Variants in CDYL observed in about 807,000 individuals in gnomAD.
CDYL encodes chromodomain Y like, also known as chromodomain Y-like protein.
A neutral mutation model predicts 47.3 loss-of-function variants in CDYL; 8 were observed. The ratio of observed to expected loss-of-function variants is 0.17; its 90% CI spans 0.10 to 0.31. The LOEUF (loss-of-function observed/expected upper bound fraction) is 0.31. Among genes scored for constraint, CDYL ranks in the 10% least tolerant of loss-of-function variants. CDYL has a pLI of 1.00. For synonymous variants in CDYL, 266 were observed against 265.0 expected (o/e 1.00, Z -0.04); for missense variants, 471 against 701.4 (o/e 0.67, Z 3.71).
intron 6 of CDYL, among the ~76,000 whole-genome samples, chr6:4,953,454 A>T (rs982969631): frequency 6.6e-6 from 1 of 151,944 alleles, no homozygotes; most frequent in African/African-American, 2.4e-5. Flanking sequence ...AAATTATAGG[A>T]TGTGAAATGT....
chr6:4,918,630 CTG>C (rs1431112473), intron 2 of CDYL, among the ~76,000 whole-genome samples: 1 of 152,190 alleles, frequency 6.6e-6, no homozygotes, highest in Non-Finnish European at 1.5e-5. Context: ...GAATTTGCGT[CTG>C]TAATTAAAGA....
At chr6:4,765,760 T>C (rs538875703) in intron 3 of CDYL, among the ~76,000 whole-genome samples, 2 of 152,200 alleles carry the variant, frequency 1.3e-5, no homozygotes, top group Admixed American at 6.5e-5. Flanking sequence ...GATGGGGTTT[T>C]GCCATGTTGG....
At chr6:4,830,581 T>G (rs1179861925) in intron 1 of CDYL, among the ~76,000 whole-genome samples, 6 of 151,494 alleles carry the variant, frequency 4.0e-5, no homozygotes, top group African/African-American at 1.2e-4. Context: ...TTAGGTTTCT[T>G]TTATTTATTT....
chr6:4,750,169 T>A (rs1396992777), intron 3 of CDYL, among the ~76,000 whole-genome samples: 2 of 151,720 alleles, frequency 1.3e-5, no homozygotes, highest in Admixed American at 1.3e-4. Context: ...CAAGACTCTG[T>A]CCTTGCAAAA....
chr6:4,928,277 A>AG (rs1434057523), intron 2 of CDYL, among the ~76,000 whole-genome samples: 1 of 151,886 alleles, frequency 6.6e-6, no homozygotes, highest in Non-Finnish European at 1.5e-5. Flanking sequence ...TGTGTGTGTG[A>AG]GGGGGGCTGT....
intron 2 of CDYL, among the ~76,000 whole-genome samples, chr6:4,723,002 T>G (rs1301497857): frequency 6.6e-6 from 1 of 152,208 alleles, no homozygotes; most frequent in East Asian, 1.9e-4. Context: ...TCCCTTTAAC[T>G]GAATTAAACA....
intron 1 of CDYL, among the ~76,000 whole-genome samples, chr6:4,837,995 C>T (rs1760374455): frequency 6.6e-6 from 1 of 151,132 alleles, no homozygotes; most frequent in African/African-American, 2.4e-5. Flanking sequence ...CCAGGCTCAT[C>T]TCGAACTCCT....
At chr6:4,844,920 T>G (rs1256761726) in intron 1 of CDYL, among the ~76,000 whole-genome samples, 1 of 152,210 alleles carries the variant, frequency 6.6e-6, no homozygotes, top group Non-Finnish European at 1.5e-5. Context: ...ACAAAAAAGT[T>G]GTCAAATAAA....
At chr6:4,758,744 C>T (rs1035082200) in intron 3 of CDYL, among the ~76,000 whole-genome samples, 1 of 152,044 alleles carries the variant, frequency 6.6e-6, no homozygotes, top group Non-Finnish European at 1.5e-5. Context: ...AGAAAAGTCA[C>T]AATTGACACT....
intron 1 of CDYL, among the ~76,000 whole-genome samples, chr6:4,856,748 G>C (rs1359329083): frequency 6.6e-6 from 1 of 152,176 alleles, no homozygotes; most frequent in Non-Finnish European, 1.5e-5. Context: ...TTGGGGCCTG[G>C]GGGGAACTTC....
rs548748738 is a variant in CDYL, at chr6:4,782,703, A to G, written c.24+5896A>G. ...AGCATATTTCAGAGGGAGAGAATCA[A>G]GAGCTTTCATCTGATTCTCAGAGGG... On this transcript the variant is annotated intron_variant, in intron 1 of 6. Transcript: ENST00000397588. Among the ~76,000 whole-genome samples the G allele has an allele frequency of 2.0e-5, 3 of 152,336 alleles. No individual in the cohort carries two copies. In the East Asian group the frequency reaches 5.8e-4, roughly 29 times the overall value.
At chr6:4,825,214 T>G (rs372951423) in intron 1 of CDYL, among the ~76,000 whole-genome samples, 1 of 152,188 alleles carries the variant, frequency 6.6e-6, no homozygotes, top group South Asian at 2.1e-4. Context: ...CTATCACTTT[T>G]GGTTAGCATG....
intron 2 of CDYL, among the ~76,000 whole-genome samples, chr6:4,895,909 A>G (rs1016264481): frequency 6.6e-6 from 1 of 152,240 alleles, no homozygotes; most frequent in Non-Finnish European, 1.5e-5. Flanking sequence ...ACCAAAAGGG[A>G]TGTGTAAGCA....
chr6:4,938,002 A>G (rs1758249453), intron 4 of CDYL, among the ~76,000 whole-genome samples: 1 of 152,248 alleles, frequency 6.6e-6, no homozygotes, highest in Non-Finnish European at 1.5e-5. Flanking sequence ...AGGTTGGTTT[A>G]AACCCTGCAA....
chr6:4,899,552 G>A (rs1756953576), intron 2 of CDYL, among the ~76,000 whole-genome samples: 1 of 152,192 alleles, frequency 6.6e-6, no homozygotes, highest in African/African-American at 2.4e-5. Context: ...AGGCTGTTTA[G>A]TAAGGTCTGT....
At chr6:4,923,732 T>TA (rs1330693657) in intron 2 of CDYL, among the ~76,000 whole-genome samples, 3 of 151,984 alleles carry the variant, frequency 2.0e-5, no homozygotes, top group Admixed American at 1.3e-4. Context: ...CCGTCTCTAC[T>TA]AAAAAATATT....
At chr6:4,803,676 A>T (rs74963960) in intron 1 of CDYL, among the ~76,000 whole-genome samples, 2,101 of 150,830 alleles carry the variant, frequency 0.014, 48 homozygotes, top group African/African-American at 0.05. Flanking sequence ...GTCCCTGTCC[A>T]GCATCAGCAC....
chr6:4,862,453 G>A (rs78382346), intron 1 of CDYL, among the ~76,000 whole-genome samples: 8,716 of 152,114 alleles, frequency 0.057, 308 homozygotes, highest in Middle Eastern at 0.1. Context: ...ATTTTTACCT[G>A]AGCCTTATAA....
intron 3 of CDYL, among the ~76,000 whole-genome samples, chr6:4,749,003 T>C (rs1053808967): frequency 4.6e-5 from 7 of 152,236 alleles, no homozygotes; most frequent in Non-Finnish European, 1.0e-4. Flanking sequence ...GACTCCCCTG[T>C]AGACACACTG....
Sources: allele counts gnomAD v4.1 joint callset (sites outside exome capture counted in the v4.1 genomes callset), GRCh38; gene constraint gnomAD v4.1.1; transcripts MANE v1.5; gene names NCBI Gene and HGNC (gene_info 2026-07-23, HGNC 2026-07-21).